The following PTPRM variants were observed in gnomAD, a reference collection of about 807,000 sequenced individuals.
The protein encoded by PTPRM is protein tyrosine phosphatase receptor type M.
A neutral mutation model predicts 186.7 loss-of-function variants in PTPRM; 47 were observed. The ratio of observed to expected loss-of-function variants is 0.25; its 90% CI spans 0.20 to 0.32. The LOEUF is 0.32. PTPRM is among the 10% of genes least tolerant of loss of function. PTPRM has a pLI of 1.00. For missense variants in PTPRM, 1,494 were observed against 1,865.0 expected, an observed-to-expected ratio of 0.80 and a Z score of 3.66; for synonymous variants, 668 against 674.9, an observed-to-expected ratio of 0.99 and a Z score of 0.16.
At chr18:8,219,241 GT>G (rs1240146343) in intron 14 of PTPRM, among the ~76,000 whole-genome samples, 1 of 152,218 alleles carries the variant, frequency 6.6e-6, no homozygotes, top group Non-Finnish European at 1.5e-5. Flanking sequence ...GCCGAGACGG[GT>G]GGATCATGAG....
chr18:7,645,745 A>C (rs2038546292), intron 1 of PTPRM, among the ~76,000 whole-genome samples: 1 of 152,190 alleles, frequency 6.6e-6, no homozygotes, highest in Non-Finnish European at 1.5e-5. Flanking sequence ...GGGAAATTAG[A>C]AGTCCATCCA....
At chr18:7,763,119 T>C (rs922433807) in intron 1 of PTPRM, among the ~76,000 whole-genome samples, 2 of 152,226 alleles carry the variant, frequency 1.3e-5, no homozygotes, top group Non-Finnish European at 2.9e-5. Flanking sequence ...TCCAATAAAG[T>C]CATCCCCTGC....
At chr18:7,699,007 C>T (rs1267263095) in intron 1 of PTPRM, among the ~76,000 whole-genome samples, 1 of 152,190 alleles carries the variant, frequency 6.6e-6, no homozygotes, top group East Asian at 1.9e-4. Context: ...AACCAGGCTG[C>T]ACATCAGGAC....
chr18:8,021,317 GACACACACACACACACACACACAC>G (rs35335855), intron 7 of PTPRM, among the ~76,000 whole-genome samples: 1 of 142,874 alleles, frequency 7.0e-6, no homozygotes, highest in South Asian at 2.3e-4. Flanking sequence ...GCATAAAAGA[GACACACACACACACACACACACAC>G]ACACACACAC....
At chr18:8,297,769 C>T (rs2095112601) in intron 20 of PTPRM, among the ~76,000 whole-genome samples, 1 of 152,188 alleles carries the variant, frequency 6.6e-6, no homozygotes, top group African/African-American at 2.4e-5. Context: ...CCCAGCTGAG[C>T]ACATGCTGCT....
At chr18:8,381,015 T>C (rs2095731412) in intron 29 of PTPRM, among the ~76,000 whole-genome samples, 1 of 152,170 alleles carries the variant, frequency 6.6e-6, no homozygotes, top group Non-Finnish European at 1.5e-5. Context: ...TTAGTAAAGA[T>C]ATTAAAAAGA....
intron 13 of PTPRM, among the ~76,000 whole-genome samples, chr18:8,123,368 C>G (rs555767810): frequency 6.6e-6 from 1 of 152,310 alleles, no homozygotes; most frequent in South Asian, 2.1e-4. Flanking sequence ...TAAAGCTTAA[C>G]TCATGGTAGT....
intron 22 of PTPRM, among the ~76,000 whole-genome samples, chr18:8,332,078 A>C (rs149369789): frequency 6.6e-6 from 1 of 152,236 alleles, no homozygotes; most frequent in African/African-American, 2.4e-5. Flanking sequence ...GAGCTTTAAC[A>C]TGGTAAGTTC....
At chr18:7,750,930 A>G (rs1249428683) in intron 1 of PTPRM, 3 of 151,496 alleles carry the variant, frequency 2.0e-5, no homozygotes, top group African/African-American at 4.8e-5. Context: ...AGAGCTCTCT[A>G]TGCACCAAAT....
At chr18:7,881,083 G>A (rs755840070) in intron 2 of PTPRM, among the ~76,000 whole-genome samples, 27 of 152,112 alleles carry the variant, frequency 1.8e-4, no homozygotes, top group Non-Finnish European at 3.4e-4. Flanking sequence ...GGGTATGTGT[G>A]TGTGTAGGTA....
In PTPRM at chr18:7,823,588, G is replaced by A. The variant is rs954215384; in HGVS notation, c.196+49317G>A. Reference sequence around the variant, plus strand: ...GGGCACCATCTAATCAGCTGCCAGCGCTGCTTGAATAAAGCAGGCAAAAGA... The same window carrying A: ...GGGCACCATCTAATCAGCTGCCAGCACTGCTTGAATAAAGCAGGCAAAAGA... On this transcript the variant is annotated intron_variant, in intron 2 of 32. Coordinates refer to ENST00000580170, the MANE Select transcript of PTPRM (RefSeq NM_001105244.2). Among the ~76,000 whole-genome samples the A allele has an allele frequency of 4.7e-4, 72 of 152,128 alleles. 2 individuals carry two copies. The highest frequency in any genetic ancestry group is 4.6e-3 in the Admixed American group (70 of 15,282).
In PTPRM at chr18:7,625,490, A is replaced by G. The variant is rs2038037838; in HGVS notation, c.73+57599A>G. Among the ~76,000 whole-genome samples, 4 of 152,290 alleles carry G rather than the reference A, an allele frequency of 2.6e-5. No individual in the cohort carries two copies. In the East Asian group the frequency reaches 7.7e-4, roughly 30 times the overall value. On this transcript the variant is annotated intron_variant, in intron 1 of 32. Coordinates refer to ENST00000580170, the MANE Select transcript of PTPRM (RefSeq NM_001105244.2). ...AAGAGAATAGAAAATAAAGCTTTTC[A>G]TTATCACCTCTCCATGACCTCTTGA...
intron 5 of PTPRM, among the ~76,000 whole-genome samples, chr18:7,928,516 A>G (rs2051302316): frequency 6.6e-6 from 1 of 152,216 alleles, no homozygotes; most frequent in Non-Finnish European, 1.5e-5. Context: ...ATGATGAGAC[A>G]AACATCTTCT....
intron 19 of PTPRM, among the ~76,000 whole-genome samples, chr18:8,266,863 A>T (rs2094707125): frequency 6.6e-6 from 1 of 152,086 alleles, no homozygotes; most frequent in Admixed American, 6.5e-5. Context: ...AGCCGAGATC[A>T]TACCACTGCA....
In PTPRM at chr18:8,380,394, C is replaced by T. The variant is rs139973439; in HGVS notation, c.3885C>T (p.Ser1295=). The T allele has an allele frequency of 4.8e-5, 78 of 1,614,162 alleles. No homozygotes were observed. Among genetic ancestry groups the T allele is most frequent in the African/African-American group, 4.7e-4 (35 of 75,020 alleles). The change falls in exon 29 of 33, where the codon TCC becomes TCT. Residue 1295 remains serine, a synonymous_variant. Transcript: ENST00000580170. ...TGGTCCTGGATTATCACTGCACATC[C>T]GTAGTTATGCTAAATGATGTGGATC... ...WRLVLDYHCT[S]VVMLNDVDPA... is the part of the protein sequence containing the mutation.
chr18:8,370,968 C>T lies in PTPRM; in HGVS notation c.3133C>T (p.Leu1045=), dbSNP rs2095659574. The T allele has an allele frequency of 6.2e-7, 1 of 1,603,442 alleles. No individual in the cohort carries two copies. Among genetic ancestry groups the T allele is most frequent in the South Asian group, 1.1e-5 (1 of 90,490 alleles). The change falls in exon 24 of 33, where the codon CTG becomes TTG. Residue 1045 remains leucine, a synonymous_variant. Coordinates refer to ENST00000580170, the MANE Select transcript of PTPRM (RefSeq NM_001105244.2). ...AGTTACCCTAATAGAAACAGAACTA[C>T]TGGCAGAATATGTGATAAGAACATT... ...IKVTLIETEL[L]AEYVIRTFAV...
chr18:7,784,907 C>A (rs1041664009), intron 2 of PTPRM, among the ~76,000 whole-genome samples: 7 of 152,128 alleles, frequency 4.6e-5, no homozygotes, highest in African/African-American at 1.7e-4. Flanking sequence ...AGGCTGCCAC[C>A]CAGTTGGAGG....
intron 22 of PTPRM, among the ~76,000 whole-genome samples, chr18:8,341,393 A>T (rs1242542858): frequency 6.6e-6 from 1 of 152,194 alleles, no homozygotes; most frequent in Non-Finnish European, 1.5e-5. Context: ...CAGCAAACGA[A>T]GAAGGCTGAG....
At chr18:8,076,606 C>G (rs1222356854) in intron 9 of PTPRM, 42 bp downstream of exon 9, 1 of 1,016,216 alleles carries the variant, frequency 9.8e-7, no homozygotes, top group African/African-American at 1.6e-5. Flanking sequence ...TAGAAATACT[C>G]ATGATCATGA....
Sources: gnomAD v4.1 joint callset for allele counts (sites outside exome capture counted in the v4.1 genomes callset) on GRCh38, gnomAD v4.1.1 for gene constraint, MANE v1.5 for transcripts, NCBI Gene and HGNC (gene_info 2026-07-23, HGNC 2026-07-21) for gene names.